The following TOX3 variants were observed in gnomAD, a reference collection of about 807,000 sequenced individuals.
TOX3 encodes CAG trinucleotide repeat-containing gene F9 protein.
TOX3 carries 22 observed loss-of-function variants against 64.3 expected under a neutral mutation model. The observed-to-expected ratio is 0.34, with a 90% CI of 0.24 to 0.49. The LOEUF is 0.49. Among genes scored for constraint, TOX3 ranks in the 20% least tolerant of loss-of-function variants. TOX3 has a pLI of 0.99. For synonymous variants in TOX3, 291 were observed against 273.6 expected, an observed-to-expected ratio of 1.06 and a Z score of -0.63; for missense variants, 661 against 714.4, an observed-to-expected ratio of 0.93 and a Z score of 0.85.
intron 1 of TOX3, among the ~76,000 whole-genome samples, chr16:52,494,978 T>C (rs1961801455): frequency 6.6e-6 from 1 of 152,162 alleles, no homozygotes; most frequent in Non-Finnish European, 1.5e-5. Context: ...GAGAAGTGAC[T>C]CTCCTGAAAC....
chr16:52,498,602 T>G (rs1567336574), intron 1 of TOX3, among the ~76,000 whole-genome samples: 1 of 152,138 alleles, frequency 6.6e-6, no homozygotes, highest in Non-Finnish European at 1.5e-5. Flanking sequence ...GGGGGGAGGC[T>G]GTATTTTCTA....
intron 3 of TOX3, among the ~76,000 whole-genome samples, chr16:52,451,894 A>C (rs560024909): frequency 4.1e-4 from 63 of 152,238 alleles, no homozygotes; most frequent in African/African-American, 1.5e-3. Flanking sequence ...TGGACCAGAT[A>C]ATTTTTATTG....
Position 52,535,236 on chromosome 16 carries a change from C to T in TOX3, c.87+11401G>A, listed in dbSNP as rs182944196. 5.9e-5 allele frequency among the ~76,000 whole-genome samples: 9 copies of T among 152,324 alleles called. No homozygotes were observed. The East Asian group carries it at 1.7e-3, about 29-fold the overall frequency. On this transcript the variant is annotated intron_variant, in intron 1 of 6. Coordinates refer to ENST00000219746, the MANE Select transcript of TOX3 (RefSeq NM_001080430.4). ...TTGCTGAACTACCTGGTGTCCCTTC[C>T]TCTCCACTCACTCCTTCCACAGTAA...
In TOX3 at chr16:52,450,533, G is replaced by C; in HGVS notation, c.422C>G (p.Thr141Arg). 6.2e-7 allele frequency: 1 copy of C among 1,614,006 alleles called. No homozygotes were observed. Among genetic ancestry groups the C allele is most frequent in the Non-Finnish European group, 8.5e-7 (1 of 1,179,878 alleles). The change falls in exon 4 of 7, where the codon ACA (threonine) becomes AGA (arginine). Residue 141 changes from threonine to arginine, a missense_variant. By Grantham distance (71) the Thr-to-Arg change is moderately conservative. Around this residue, in one of 3 missense-constraint regions of TOX3, gnomAD observed 259 missense variants for 261.2 expected, o/e 0.99. Transcript: ENST00000219746. ...ATCCTGCCGGTACTGGGACACTTGT[G>C]TGTGGCTCTGATCCTAGAAAGGCAG... Reference protein sequence around the residue: ...SSGLHMDQSHTQVSQYRQDPS... With the variant: ...SSGLHMDQSHRQVSQYRQDPS...
chr16:52,531,797 T>C (rs1962856283), intron 1 of TOX3, among the ~76,000 whole-genome samples: 1 of 152,044 alleles, frequency 6.6e-6, no homozygotes, highest in Admixed American at 6.5e-5. Context: ...AAGCATAGAT[T>C]CCATTGAAGG....
intron 1 of TOX3, among the ~76,000 whole-genome samples, chr16:52,545,203 C>A (rs1963149391): frequency 6.6e-6 from 1 of 152,128 alleles, no homozygotes. Context: ...CCTTTTCTTG[C>A]CTCTCTATAA....
At chr16:52,485,246 G>GTGTGTATATATATATATATA (rs1555484130) in intron 1 of TOX3, among the ~76,000 whole-genome samples, 8 of 127,888 alleles carry the variant, frequency 6.3e-5, no homozygotes, top group African/African-American at 2.0e-4. Context: ...ATGTGTGTGT[G>GTGTGTATATATATATATATA]TATATATATA....
At chr16:52,527,113 GGAAT>G (rs1020292146) in intron 1 of TOX3, among the ~76,000 whole-genome samples, 6 of 152,034 alleles carry the variant, frequency 3.9e-5, no homozygotes, top group Admixed American at 1.3e-4. Context: ...AAATATTTGA[GGAAT>G]GAATGAATAA....
At chr16:52,462,718 A>G (rs979784212) in intron 3 of TOX3, among the ~76,000 whole-genome samples, 1 of 152,020 alleles carries the variant, frequency 6.6e-6, no homozygotes, top group Non-Finnish European at 1.5e-5. Flanking sequence ...AGAACCCTCC[A>G]TTCCAGTGTC....
intron 1 of TOX3, among the ~76,000 whole-genome samples, chr16:52,508,025 G>C (rs1962207406): frequency 6.6e-6 from 1 of 152,150 alleles, no homozygotes; most frequent in South Asian, 2.1e-4. Flanking sequence ...TTTAATATTT[G>C]ATCCAAAATA....
chr16:52,536,566 A>G (rs1034563483), intron 1 of TOX3, among the ~76,000 whole-genome samples: 2 of 146,106 alleles, frequency 1.4e-5, no homozygotes, highest in African/African-American at 2.5e-5. Flanking sequence ...ATGCCCATAC[A>G]TATTGTTCTC....
chr16:52,440,701 T>C (rs1465401425), intron 6 of TOX3, among the ~76,000 whole-genome samples: 1 of 151,980 alleles, frequency 6.6e-6, no homozygotes, highest in Non-Finnish European at 1.5e-5. Context: ...TACTCATCTG[T>C]TCCTGTTTCC....
At chr16:52,460,169 C>T (rs1960645193) in intron 3 of TOX3, among the ~76,000 whole-genome samples, 1 of 152,104 alleles carries the variant, frequency 6.6e-6, no homozygotes, top group African/African-American at 2.4e-5. Context: ...TTCTAATACT[C>T]CGTTTGATAT....
rs76473034 is a variant in TOX3, at chr16:52,546,273, C to A, written c.87+364G>T. 9.7e-3 allele frequency among the ~76,000 whole-genome samples: 1,474 copies of A among 152,250 alleles called. 29 individuals carry two copies. Among genetic ancestry groups the A allele is most frequent in the African/African-American group, 0.034 (1,400 of 41,550 alleles). On this transcript the variant is annotated intron_variant, in intron 1 of 6. Coordinates refer to ENST00000219746, the MANE Select transcript of TOX3 (RefSeq NM_001080430.4). ...GGAGATCAGGGACCCCTGCGTAGCC[C>A]CCACTCAGTCCAGGGGGGCTGCGAT...
In TOX3 at chr16:52,439,350, C is replaced by T. The variant is rs748186013; in HGVS notation, c.1606G>A (p.Val536Ile). The T allele has an allele frequency of 1.8e-5, 29 of 1,611,240 alleles. No individual in the cohort carries two copies. The highest frequency in any genetic ancestry group is 3.3e-4 in the Middle Eastern group (2 of 6,084). The change falls in exon 7 of 7, where the codon GTC becomes ATC. Residue 536 changes from valine (V) to isoleucine (I), a missense_variant. Coordinates refer to ENST00000219746, the MANE Select transcript of TOX3 (RefSeq NM_001080430.4). ...ATGGGGGATGTTATCTGAGAGGCGA[C>T]AGGGGAGTGCTGCCGAGGAGAAGGC... is the stretch of plus-strand genomic sequence containing the variant. ...SQPSPRQHSP[V>I]ASQITSPIPA...
chr16:52,533,636 C>G (rs970530945), intron 1 of TOX3, among the ~76,000 whole-genome samples: 1 of 151,922 alleles, frequency 6.6e-6, no homozygotes, highest in African/African-American at 2.4e-5. Context: ...ATCAGGTTTT[C>G]CATTTGCAGT....
chr16:52,511,001 C>G (rs1226243571), intron 1 of TOX3, among the ~76,000 whole-genome samples: 2 of 152,124 alleles, frequency 1.3e-5, no homozygotes, highest in African/African-American at 2.4e-5. Context: ...TCAAGATCCA[C>G]TGGAACTTGT....
intron 1 of TOX3, among the ~76,000 whole-genome samples, chr16:52,501,003 A>C (rs909881175): frequency 2.0e-5 from 3 of 152,238 alleles, no homozygotes; most frequent in African/African-American, 7.2e-5. Context: ...ACCTCTACTA[A>C]AGATTTTCAT....
intron 1 of TOX3, among the ~76,000 whole-genome samples, chr16:52,500,152 G>A (rs113013436): frequency 1.1e-3 from 165 of 152,256 alleles, no homozygotes; most frequent in African/African-American, 3.9e-3. Context: ...TCTTAAAAAC[G>A]TATTAATGTT....
Sources: allele counts gnomAD v4.1 joint callset (sites outside exome capture counted in the v4.1 genomes callset), GRCh38; gene constraint gnomAD v4.1.1; regional missense constraint gnomAD v4.1.1; transcripts MANE v1.5; gene names NCBI Gene and HGNC (gene_info 2026-07-23, HGNC 2026-07-21).